SLC12A9: variants seen among roughly 807,000 people sequenced by gnomAD.
SLC12A9 encodes CCC-interacting protein 1.
In SLC12A9, 55 loss-of-function variants were observed where a neutral mutation model predicts 66.0. The ratio of observed to expected loss-of-function variants is 0.83; its 90% CI spans 0.67 to 1.04. SLC12A9 has a LOEUF of 1.04. SLC12A9 is among the 50% of genes least tolerant of loss of function. The probability of loss-of-function intolerance (pLI) is 0.00; values close to 1 mark genes in which losing one functional copy is unlikely to be tolerated. For missense variants in SLC12A9, 1,061 were observed against 1,241.9 expected, an observed-to-expected ratio of 0.85 and a Z score of 2.19; for synonymous variants, 577 against 569.0, an observed-to-expected ratio of 1.01 and a Z score of -0.20.
chr7:100,862,770 A>G lies in SLC12A9; in HGVS notation c.1801A>G (p.Thr601Ala). The G allele has an allele frequency of 6.2e-7, 1 of 1,613,904 alleles. No homozygotes were observed. The highest frequency in any genetic ancestry group is 8.5e-7 in the Non-Finnish European group (1 of 1,179,986). The change falls in exon 13 of 14, where the codon ACC (threonine) becomes GCC (alanine). Residue 601 changes from threonine to alanine, a missense_variant. Physicochemically the swap from Thr to Ala is moderately conservative, Grantham distance 58 (BLOSUM62 0). Coordinates refer to ENST00000354161, the MANE Select transcript of SLC12A9 (RefSeq NM_020246.4). ...CCAGGTGAAGGCTTTTGTGGATCTA[A>G]CCCTCTCACCCTCCGTGCGCCAGGG... Reference protein sequence around the residue: ...RAQVKAFVDLTLSPSVRQGAQ... With the variant: ...RAQVKAFVDLALSPSVRQGAQ...
chr7:100,846,522 G>A (rs995869054), intron 1 of SLC12A9, among the ~76,000 whole-genome samples: 4 of 151,760 alleles, frequency 2.6e-5, no homozygotes, highest in African/African-American at 7.3e-5. Flanking sequence ...AGCCGAGATC[G>A]CGCCACTGCA....
chr7:100,861,852 C>T lies in SLC12A9; in HGVS notation c.1652C>T (p.Ala551Val). ...GGCGCCCTGCCTCTGCTGCGGTTGG[C>T]CAACCAGCTTAAGAAGGGGGGGCTG... ...PRGALPLLRL[A>V]NQLKKGGLYV... Residue 551 changes from alanine (A) to valine (V), a missense_variant, in exon 12 of 14, where the codon GCC becomes GTC. By Grantham distance (64) the Ala-to-Val change is moderately conservative (BLOSUM62 0). Coordinates refer to ENST00000354161, the MANE Select transcript of SLC12A9 (RefSeq NM_020246.4). This position sits in a 1 kb window ranked among gnomAD's most constrained non-coding sequence, Gnocchi z 5.3. 1 of 1,613,870 alleles carries T rather than the reference C, an allele frequency of 6.2e-7. No homozygotes were observed. The highest frequency in any genetic ancestry group is 8.5e-7 in the Non-Finnish European group (1 of 1,179,890).
rs1489653615 is a variant in SLC12A9 at position 100,854,256 on chromosome 7, C to T, written c.59C>T (p.Ala20Val). 3 of 1,581,028 alleles carry T rather than the reference C, an allele frequency of 1.9e-6. No individual in the cohort carries two copies. The highest frequency in any genetic ancestry group is 2.6e-6 in the Non-Finnish European group (3 of 1,171,562). Residue 20 changes from alanine (A) to valine (V), a missense_variant, in exon 2 of 14, where the codon GCC becomes GTC. Transcript: ENST00000354161. ...CGGCTCCTGGGGGAGGAGGGGGTTG[C>T]CCTCCCTGCCAATGGGGCCGGGGGT... Reference protein sequence around the residue: ...AYRLLGEEGVALPANGAGGPG... With the variant: ...AYRLLGEEGVVLPANGAGGPG...
In SLC12A9 at chr7:100,859,860, G is replaced by A. The variant is rs184998736; in HGVS notation, c.978-25G>A. The A allele has an allele frequency of 7.0e-5, 111 of 1,583,578 alleles. No homozygotes were observed. The East Asian group carries it at 1.4e-3, about 20-fold the overall frequency. On this transcript the variant is annotated intron_variant, in intron 7 of 13. Coordinates refer to ENST00000354161, the MANE Select transcript of SLC12A9 (RefSeq NM_020246.4). ...CTTACCCCGTGACGCATGATCATCC[G>A]TGTCCTCCTTTTCCTCCTTCCTAGG...
At chr7:100,836,980 C>T (rs1813673861) in intron 1 of SLC12A9, among the ~76,000 whole-genome samples, 1 of 152,116 alleles carries the variant, frequency 6.6e-6, no homozygotes, top group South Asian at 2.1e-4. Context: ...TGTGTGTGTT[C>T]CAGGATCTGG....
At chr7:100,841,826 A>G (rs969464414) in intron 1 of SLC12A9, among the ~76,000 whole-genome samples, 1 of 152,208 alleles carries the variant, frequency 6.6e-6, no homozygotes, top group African/African-American at 2.4e-5. Context: ...AATAGGTGCT[A>G]AAGGAAATTT....
Position 100,863,060 on chromosome 7 carries a change from TTC to T in SLC12A9, c.1858+235_1858+236del, listed in dbSNP as rs1287383002. 6.0e-5 allele frequency among the ~76,000 whole-genome samples: 9 copies of T among 150,614 alleles called. No individual in the cohort carries two copies. In the South Asian group the frequency reaches 1.7e-3, roughly 29 times the overall value. On this transcript the variant is annotated intron_variant, in intron 13 of 13. Coordinates refer to ENST00000354161, the MANE Select transcript of SLC12A9 (RefSeq NM_020246.4). ...CGATGTTGTGGGTTTTTTTTCCTTC[TTC>T]TTTTTTTTTTTTTTTTTTGAGACGG...
upstream of SLC12A9, among the ~76,000 whole-genome samples, chr7:100,850,466 C>T (rs1413949282): frequency 1.3e-5 from 2 of 151,692 alleles, no homozygotes; most frequent in African/African-American, 4.8e-5. Context: ...TCTTGAACTC[C>T]TGGCCTCAAA....
chr7:100,843,876 G>A (rs535193244), intron 1 of SLC12A9, among the ~76,000 whole-genome samples: 1 of 152,286 alleles, frequency 6.6e-6, no homozygotes, highest in South Asian at 2.1e-4. Context: ...ACTGTATAGG[G>A]GTGTTAGACT....
chr7:100,836,808 A>AG (rs1423247901), intron 1 of SLC12A9, among the ~76,000 whole-genome samples: 38 of 62,862 alleles, frequency 6.0e-4, no homozygotes, highest in African/African-American at 2.3e-3. Context: ...GACCTGGGGG[A>AG]GGGGGGCGCA....
At chr7:100,835,910 G>A (rs1486477671) in intron 1 of SLC12A9, among the ~76,000 whole-genome samples, 2 of 152,236 alleles carry the variant, frequency 1.3e-5, no homozygotes, top group African/African-American at 4.8e-5. Flanking sequence ...GGAGGTGGAG[G>A]AGAGAGAGGC....
Position 100,856,816 on chromosome 7 carries a change from G to C in SLC12A9, c.449-52G>C. 4.7e-6 allele frequency: 7 copies of C among 1,504,692 alleles called. No individual in the cohort carries two copies. In the South Asian group the frequency reaches 8.9e-5, roughly 19 times the overall value. 93.2% of individuals were successfully genotyped at this position (1,504,692 alleles called of 1,614,324 possible). On this transcript the variant is annotated intron_variant, in intron 4 of 13. Transcript: ENST00000354161. Reference sequence around the variant, plus strand: ...TGTGAGCCGCCCACCATGCCCGGCTGGTGGGGTGCCTTAGGATCGGGCCTT... The same window carrying C: ...TGTGAGCCGCCCACCATGCCCGGCTCGTGGGGTGCCTTAGGATCGGGCCTT...
At chr7:100,830,338 G>A (rs1027535411) in intron 1 of SLC12A9, among the ~76,000 whole-genome samples, 1 of 152,096 alleles carries the variant, frequency 6.6e-6, no homozygotes, top group Non-Finnish European at 1.5e-5. Flanking sequence ...GGGCAACAGA[G>A]TGAAACTCTG....
chr7:100,848,697 T>C (rs182968311), upstream of SLC12A9, among the ~76,000 whole-genome samples: 104 of 151,896 alleles, frequency 6.8e-4, no homozygotes, highest in East Asian at 4.3e-3. Flanking sequence ...CCATTCTGGC[T>C]AACACGGTGA....
intron 13 of SLC12A9, among the ~76,000 whole-genome samples, chr7:100,863,852 A>G (rs1290654020): frequency 6.6e-6 from 1 of 152,348 alleles, no homozygotes; most frequent in African/African-American, 2.4e-5. Context: ...AGTGTAAATC[A>G]GAACCCTGGG....
chr7:100,838,526 T>C (rs1813714004), intron 1 of SLC12A9, among the ~76,000 whole-genome samples: 1 of 152,098 alleles, frequency 6.6e-6, no homozygotes. Context: ...ATTATTTATT[T>C]ATTTATTTTG....
chr7:100,861,692 G>A lies in SLC12A9; in HGVS notation c.1537-45G>A. On this transcript the variant is annotated intron_variant, in intron 11 of 13. Coordinates refer to ENST00000354161, the MANE Select transcript of SLC12A9 (RefSeq NM_020246.4). This position sits in a 1 kb window ranked among gnomAD's most constrained non-coding sequence, Gnocchi z 5.3. ...TCCAGGAGGCGCTGAACGGGGCTGT[G>A]CATTTGATCCTGCCACTTCCCCACT... The A allele has an allele frequency of 1.2e-6, 2 of 1,613,300 alleles. No individual in the cohort carries two copies. Among genetic ancestry groups the A allele is most frequent in the Non-Finnish European group, 1.7e-6 (2 of 1,179,294 alleles).
chr7:100,845,950 C>G (rs1219103250), intron 1 of SLC12A9, among the ~76,000 whole-genome samples: 1 of 152,230 alleles, frequency 6.6e-6, no homozygotes, highest in Non-Finnish European at 1.5e-5. Context: ...GCAAGAAACT[C>G]AGATGAGAAA....
intron 1 of SLC12A9, among the ~76,000 whole-genome samples, chr7:100,839,979 T>C (rs556817932): frequency 6.6e-6 from 1 of 151,760 alleles, no homozygotes; most frequent in East Asian, 1.9e-4. Flanking sequence ...ACTTGCCCAC[T>C]GCATTTAAGT....
Sources: gnomAD v4.1 joint callset for allele counts (sites outside exome capture counted in the v4.1 genomes callset) on GRCh38, gnomAD v4.1.1 for gene constraint, Gnocchi (gnomAD v3.1) non-coding constraint, MANE v1.5 for transcripts, NCBI Gene and HGNC (gene_info 2026-07-23, HGNC 2026-07-21) for gene names.